GRM8: variants seen among roughly 807,000 people sequenced by gnomAD.
GRM8 encodes the protein metabotropic glutamate receptor 8.
A neutral mutation model predicts 87.2 loss-of-function variants in GRM8; 47 were observed. The ratio of observed to expected loss-of-function variants is 0.54; its 90% CI spans 0.43 to 0.69. GRM8 has a LOEUF of 0.69. Among genes scored for constraint, GRM8 ranks in the 30% least tolerant of loss-of-function variants. GRM8 has a pLI of 0.00. For synonymous variants in GRM8, 396 were observed against 404.5 expected (o/e 0.98, Z 0.25); for missense variants, 1,019 against 1,139.2 (o/e 0.89, Z 1.52).
intron 9 of GRM8, among the ~76,000 whole-genome samples, chr7:126,494,816 A>G (rs1808494470): frequency 6.6e-6 from 1 of 152,036 alleles, no homozygotes; most frequent in Admixed American, 6.6e-5. Context: ...TTAGTTTACT[A>G]AAATCACAAA....
chr7:126,612,337 C>T (rs751308834), intron 7 of GRM8, among the ~76,000 whole-genome samples: 4 of 152,098 alleles, frequency 2.6e-5, no homozygotes, highest in African/African-American at 4.8e-5. Context: ...CCTAAAATTC[C>T]GGTCCCTAAA....
At chr7:127,180,227 C>T (rs939921842) in intron 2 of GRM8, among the ~76,000 whole-genome samples, 13 of 151,970 alleles carry the variant, frequency 8.6e-5, no homozygotes, top group African/African-American at 2.4e-4. Flanking sequence ...GACGCATTTA[C>T]GCACATAGCT....
chr7:126,594,607 C>A lies in GRM8; in HGVS notation c.1494+14755G>T, dbSNP rs76954293. 3.0e-3 allele frequency among the ~76,000 whole-genome samples: 461 copies of A among 151,984 alleles called. 7 individuals are homozygous for A. The highest frequency in any genetic ancestry group is 0.01 in the Middle Eastern group (3 of 294). On this transcript the variant is annotated intron_variant, in intron 8 of 10. Transcript: ENST00000339582. The stretch of plus-strand genomic sequence containing the variant: ...ATGGCAGAATTTGTGAGATATTGGG[C>A]AAAAGATACAAAATTTCACTTAGGA...
chr7:127,106,473 T>A (rs1825813551), intron 3 of GRM8, 23 bp downstream of exon 3: 1 of 1,579,424 alleles, frequency 6.3e-7, no homozygotes, highest in African/African-American at 1.3e-5. Context: ...CCAAATACAA[T>A]CATCTGATAA....
intron 3 of GRM8, among the ~76,000 whole-genome samples, chr7:126,934,506 CAAAA>C (rs561247327): frequency 1.3e-5 from 2 of 152,042 alleles, no homozygotes; most frequent in African/African-American, 4.8e-5. Context: ...ATATTAAAGT[CAAAA>C]AACATTAAAT....
intron 6 of GRM8, among the ~76,000 whole-genome samples, chr7:126,855,156 A>G (rs569269408): frequency 6.6e-6 from 1 of 152,282 alleles, no homozygotes; most frequent in South Asian, 2.1e-4. Context: ...AGAAATATGA[A>G]TCCTTTCATA....
chr7:126,885,098 G>C (rs1055362677), intron 6 of GRM8, among the ~76,000 whole-genome samples: 2 of 152,194 alleles, frequency 1.3e-5, no homozygotes, highest in Non-Finnish European at 1.5e-5. Context: ...CTTGCTGAGA[G>C]TGAGCCCAGC....
intron 3 of GRM8, among the ~76,000 whole-genome samples, chr7:126,992,226 T>C (rs528838483): frequency 5.9e-5 from 9 of 152,180 alleles, no homozygotes; most frequent in Non-Finnish European, 1.2e-4. Flanking sequence ...CAAGAATGTC[T>C]ACTCTCATTG....
intron 7 of GRM8, among the ~76,000 whole-genome samples, chr7:126,715,129 T>C (rs1415593545): frequency 1.3e-5 from 2 of 152,208 alleles, no homozygotes; most frequent in Non-Finnish European, 2.9e-5. Context: ...ATGGGTCCCA[T>C]GGTGCTTTCA....
rs558062520 is a variant in GRM8 at position 126,533,955 on chromosome 7, G to A, written c.1495-68C>T. On this transcript the variant is annotated intron_variant, in intron 8 of 10. Coordinates refer to ENST00000339582, the MANE Select transcript of GRM8 (RefSeq NM_000845.3). ...TTTATAATATCCTAATCCTAGCCACGGGTTTGTAATGAATCACAGAATGCT... is the reference window on the plus strand; with the variant it reads ...TTTATAATATCCTAATCCTAGCCACAGGTTTGTAATGAATCACAGAATGCT... The A allele has an allele frequency of 6.4e-5, 75 of 1,170,448 alleles. No homozygotes were observed. The South Asian group carries it at 7.9e-4, about 12-fold the overall frequency. The allele number at this position is 1,170,448 out of a possible 1,614,324, so 72.5% of individuals were successfully genotyped here.
At chr7:126,923,646 G>A (rs1804777783) in intron 3 of GRM8, among the ~76,000 whole-genome samples, 1 of 152,166 alleles carries the variant, frequency 6.6e-6, no homozygotes, top group African/African-American at 2.4e-5. Context: ...GGAAACACGT[G>A]AGAACCCAGA....
intron 7 of GRM8, among the ~76,000 whole-genome samples, chr7:126,708,818 G>A (rs906780919): frequency 2.0e-5 from 3 of 152,070 alleles, no homozygotes; most frequent in Non-Finnish European, 2.9e-5. Flanking sequence ...CTTGGGAAAC[G>A]AAGGATGTGG....
At chr7:126,542,692 T>A (rs10255827) in intron 8 of GRM8, among the ~76,000 whole-genome samples, 3,270 of 152,326 alleles carry the variant, frequency 0.021, 106 homozygotes, top group African/African-American at 0.074. Context: ...AAGCAGCATC[T>A]AGTTTCCAGA....
At chr7:126,468,874 T>G (rs1804822379) in intron 9 of GRM8, among the ~76,000 whole-genome samples, 1 of 152,130 alleles carries the variant, frequency 6.6e-6, no homozygotes, top group Non-Finnish European at 1.5e-5. Flanking sequence ...TTCAAGAACA[T>G]GACTAATTCA....
At chr7:127,225,423 G>T in intron 2 of GRM8, among the ~76,000 whole-genome samples, 1 of 151,670 alleles carries the variant, frequency 6.6e-6, no homozygotes, top group South Asian at 2.1e-4. Context: ...GGGGAGAACA[G>T]TACATTTGCA....
intron 3 of GRM8, among the ~76,000 whole-genome samples, chr7:126,960,588 C>T (rs933826966): frequency 1.3e-5 from 2 of 152,262 alleles, no homozygotes; most frequent in Admixed American, 6.5e-5. Flanking sequence ...GAGAGGCAAT[C>T]ATCTTTATTT....
chr7:126,909,798 T>C (rs1786609858), intron 3 of GRM8, among the ~76,000 whole-genome samples: 1 of 152,170 alleles, frequency 6.6e-6, no homozygotes, highest in African/African-American at 2.4e-5. Context: ...GTTTGCATCA[T>C]GACCATCTTT....
chr7:126,659,272 A>G (rs1443887898), intron 7 of GRM8, among the ~76,000 whole-genome samples: 2 of 152,152 alleles, frequency 1.3e-5, no homozygotes, highest in African/African-American at 2.4e-5. Context: ...AAATCAAGCT[A>G]TTACAAGTGG....
At chr7:126,520,898 C>G (rs1444467141) in intron 9 of GRM8, among the ~76,000 whole-genome samples, 1 of 151,944 alleles carries the variant, frequency 6.6e-6, no homozygotes, top group African/African-American at 2.4e-5. Flanking sequence ...ATTGTCAGTT[C>G]TTAACAATAA....
Sources: allele counts gnomAD v4.1 joint callset (sites outside exome capture counted in the v4.1 genomes callset), GRCh38; gene constraint gnomAD v4.1.1; transcripts MANE v1.5; gene names NCBI Gene and HGNC (gene_info 2026-07-23, HGNC 2026-07-21).